Variants in GNB1L observed in about 807,000 individuals in gnomAD.
GNB1L encodes guanine nucleotide-binding protein subunit beta-like protein 1.
Under a neutral mutation model 29.1 loss-of-function variants are expected in GNB1L, and 20 were observed. The ratio of observed to expected loss-of-function variants is 0.69; its 90% confidence interval spans 0.48 to 1.00. GNB1L has a LOEUF of 1.00. Ranked by LOEUF, GNB1L falls within the 50% of genes least tolerant of loss-of-function variation. The probability of loss-of-function intolerance (pLI) is 0.00; values close to 1 mark genes in which losing one functional copy is unlikely to be tolerated. For synonymous variants in GNB1L, 193 were observed against 206.5 expected (o/e 0.93, Z 0.56); for missense variants, 421 against 464.9 (o/e 0.91, Z 0.87).
At chr22:19,850,749 TC>T in intron 2 of GNB1L, 1 of 1,241,200 alleles carries the variant, frequency 8.1e-7, no homozygotes, top group Non-Finnish European at 1.0e-6. Flanking sequence ...AGGAACGAGG[TC>T]CCAACAGGGC....
At chr22:19,820,826 G>T in intron 3 of GNB1L, 103 bp from the exon 4 acceptor site, 2 of 1,379,710 alleles carry the variant, frequency 1.4e-6, no homozygotes, top group Non-Finnish European at 9.9e-7. Context: ...CATCTAGGCT[G>T]GTTGAGCTGA....
intron 2 of GNB1L, chr22:19,851,195 C>T (rs753414237): frequency 1.3e-6 from 2 of 1,591,160 alleles, no homozygotes; most frequent in Non-Finnish European, 1.7e-6. Context: ...TGGTGGCTCT[C>T]CTGGGGTCTC....
At chr22:19,838,245 G>C (rs1459779054) in intron 2 of GNB1L, among the ~76,000 whole-genome samples, 2 of 152,154 alleles carry the variant, frequency 1.3e-5, no homozygotes, top group Non-Finnish European at 2.9e-5. Context: ...AAGCACAAAA[G>C]GCAACTCAAC....
rs772298455 is a variant in GNB1L at position 19,788,890 on chromosome 22, AG to A, written c.802del (p.Leu268TrpfsTer85). The A allele has an allele frequency of 6.2e-7, 1 of 1,612,900 alleles. No individual in the cohort carries two copies. ...EVTIRPDRKILATAGWDHRIR... is the reference protein window; with the variant it reads ...EVTIRPDRKIXATAGWDHRIR... The stretch of plus-strand genomic sequence containing the variant: ...GCGGTGGTCCCAGCCTGCGGTGGCC[AG>A]GATCTTGCGATCTGGCCGGATCGTG... On this transcript the variant is annotated frameshift_variant, in exon 8 of 8. Transcript: ENST00000329517. LOFTEE classifies it high-confidence loss of function.
intron 2 of GNB1L, among the ~76,000 whole-genome samples, chr22:19,829,742 G>A (rs1937653755): frequency 6.6e-6 from 1 of 152,120 alleles, no homozygotes; most frequent in Non-Finnish European, 1.5e-5. Context: ...GAAAAAGCAT[G>A]TAATTATCTC....
At chr22:19,819,507 A>C (rs966175013) in intron 4 of GNB1L, among the ~76,000 whole-genome samples, 1 of 152,174 alleles carries the variant, frequency 6.6e-6, no homozygotes, top group Non-Finnish European at 1.5e-5. Context: ...CCATCGCCAT[A>C]CGTTCACTAG....
At chr22:19,804,971 T>C (rs1937415844) in intron 6 of GNB1L, among the ~76,000 whole-genome samples, 1 of 152,134 alleles carries the variant, frequency 6.6e-6, no homozygotes, top group Non-Finnish European at 1.5e-5. Context: ...GTTGCAGCCT[T>C]GGGGGGCGTT....
intron 2 of GNB1L, among the ~76,000 whole-genome samples, chr22:19,835,020 CAAG>C (rs1177540764): frequency 2.0e-5 from 3 of 151,968 alleles, no homozygotes; most frequent in Admixed American, 6.6e-5. Flanking sequence ...TTATCACGGA[CAAG>C]AAGAAGATAC....
chr22:19,844,393 C>T (rs906853040), intron 2 of GNB1L, among the ~76,000 whole-genome samples: 3 of 152,232 alleles, frequency 2.0e-5, no homozygotes, highest in African/African-American at 7.2e-5. Flanking sequence ...GAGTGGGTCT[C>T]ATGGAGACAA....
In GNB1L at chr22:19,816,536, T is replaced by G. The variant is rs1937524880; in HGVS notation, c.254+4062A>C. Reference sequence around the variant, plus strand: ...GGTGTCCACCTGCTCACTGCCAGAGTGTGCCCCAGCCACCAGGCCCCTCCG... The same window carrying G: ...GGTGTCCACCTGCTCACTGCCAGAGGGTGCCCCAGCCACCAGGCCCCTCCG... On this transcript the variant is annotated intron_variant, in intron 4 of 7. Transcript: ENST00000329517. The surrounding 1 kb of genome is among the most constrained non-coding windows in gnomAD (Gnocchi z 4.4). Among the ~76,000 whole-genome samples the G allele has an allele frequency of 6.6e-6, 1 of 151,954 alleles. No homozygotes were observed. Among genetic ancestry groups the G allele is most frequent in the Non-Finnish European group, 1.5e-5 (1 of 67,964 alleles).
intron 6 of GNB1L, among the ~76,000 whole-genome samples, chr22:19,805,136 C>T (rs1937418359): frequency 6.7e-6 from 1 of 148,332 alleles, no homozygotes. Context: ...CGGAAGCCAC[C>T]CTGCCTCCTG....
Position 19,788,320 on chromosome 22 carries a change from G to A in GNB1L, c.*389C>T, listed in dbSNP as rs1937210024. On this transcript the variant is annotated 3_prime_UTR_variant, in exon 8 of 8. Transcript: ENST00000329517. ...CCCATTCAACAGCAGGTGTGAGGGTGGGGCTGAGCATCCTGCCTGGTGGGG... is the reference window on the plus strand; with the variant it reads ...CCCATTCAACAGCAGGTGTGAGGGTAGGGCTGAGCATCCTGCCTGGTGGGG... The A allele has an allele frequency of 2.0e-5, 11 of 541,380 alleles. No homozygotes were observed. In the South Asian group the frequency reaches 2.7e-4, roughly 13 times the overall value. The allele number at this position is 541,380 out of a possible 1,614,324, so 33.5% of individuals were successfully genotyped here.
At chr22:19,833,437 G>A (rs1167180156) in intron 2 of GNB1L, among the ~76,000 whole-genome samples, 1 of 152,182 alleles carries the variant, frequency 6.6e-6, no homozygotes, top group Non-Finnish European at 1.5e-5. Context: ...CAGGCGTGGT[G>A]GCTTACATCT....
chr22:19,809,292 G>A lies in GNB1L; in HGVS notation c.418-2535C>T, dbSNP rs566679340. ...GCCATCAACCAGCGAGCGGAATGAG[G>A]TGGAATCTGGCCGGGCAGTTGGAGG... On this transcript the variant is annotated intron_variant, in intron 5 of 7. Coordinates refer to ENST00000329517, the MANE Select transcript of GNB1L (RefSeq NM_053004.3). Among the ~76,000 whole-genome samples, 25 of 152,136 alleles carry A rather than the reference G, an allele frequency of 1.6e-4. No homozygotes were observed. The Middle Eastern group carries it at 0.014, about 83-fold the overall frequency.
Position 19,825,211 on chromosome 22 carries a change from C to T in GNB1L, c.-20-3836G>A, listed in dbSNP as rs551707279. Among the ~76,000 whole-genome samples, 6 of 152,340 alleles carry T rather than the reference C, an allele frequency of 3.9e-5. No homozygotes were observed. In the South Asian group the frequency reaches 1.2e-3, roughly 32 times the overall value. On this transcript the variant is annotated intron_variant, in intron 2 of 7. Transcript: ENST00000329517. ...GCATGGAACTAGCTCCAGCATCCCC[C>T]GAGGAAGCTCCAGCCCATAATCAGC...
intron 2 of GNB1L, chr22:19,848,917 C>A: frequency 2.0e-6 from 2 of 985,210 alleles, no homozygotes; most frequent in Non-Finnish European, 2.4e-6. Flanking sequence ...GGTGACTAGG[C>A]TGTCCATCCT....
intron 7 of GNB1L, among the ~76,000 whole-genome samples, chr22:19,789,185 G>A (rs1017538598): frequency 6.6e-6 from 1 of 152,118 alleles, no homozygotes; most frequent in African/African-American, 2.4e-5. Context: ...GCTGCTCCTC[G>A]CACCAGCTCT....
chr22:19,790,751 T>A (rs761456991), intron 7 of GNB1L, among the ~76,000 whole-genome samples: 2 of 152,140 alleles, frequency 1.3e-5, no homozygotes, highest in Non-Finnish European at 2.9e-5. Context: ...GGAAGATCAT[T>A]TGAGTCTAGG....
At chr22:19,804,037 G>T (rs919996012) in intron 6 of GNB1L, among the ~76,000 whole-genome samples, 3 of 152,268 alleles carry the variant, frequency 2.0e-5, no homozygotes, top group Non-Finnish European at 4.4e-5. Flanking sequence ...CGCCTGTCGT[G>T]GTGCCACAGG....
Sources: gnomAD v4.1 joint callset for allele counts (sites outside exome capture counted in the v4.1 genomes callset) on GRCh38, gnomAD v4.1.1 for gene constraint, Gnocchi (gnomAD v3.1) non-coding constraint, MANE v1.5 for transcripts, NCBI Gene and HGNC (gene_info 2026-07-23, HGNC 2026-07-21) for gene names.